RAI1: variants seen among roughly 807,000 people sequenced by gnomAD.
RAI1 encodes the protein retinoic acid induced 1.
Under a neutral mutation model 123.8 loss-of-function variants are expected in RAI1, and 9 were observed. That is an observed-to-expected ratio of 0.07 (90% CI 0.04 to 0.13). The LOEUF is 0.13. RAI1 is among the 10% of genes least tolerant of loss of function. RAI1 has a pLI of 1.00. For missense variants in RAI1, 2,256 were observed against 2,545.8 expected, an observed-to-expected ratio of 0.89 and a Z score of 2.45; for synonymous variants, 1,231 against 1,127.3, an observed-to-expected ratio of 1.09 and a Z score of -1.84.
At chr17:17,738,640 G>C (rs1024643962) in intron 2 of RAI1, among the ~76,000 whole-genome samples, 2 of 152,240 alleles carry the variant, frequency 1.3e-5, no homozygotes, top group African/African-American at 4.8e-5. Context: ...TGGCTCTGAG[G>C]TGCTGGGGTA....
chr17:17,794,398 G>A lies in RAI1; in HGVS notation c.1450G>A (p.Glu484Lys), dbSNP rs566757282. The A allele has an allele frequency of 2.3e-5, 37 of 1,613,148 alleles. No individual in the cohort carries two copies. The East Asian group carries it at 4.2e-4, about 18-fold the overall frequency. The change falls in exon 3 of 6, where the codon GAA becomes AAA. Residue 484 changes from glutamate to lysine, a missense_variant. Around this residue, in one of 7 missense-constraint regions of RAI1, gnomAD observed 357 missense variants for 480.2 expected, o/e 0.74. Transcript: ENST00000353383. ...EQHKSQHCSP[E>K]GSGYSAEPAG... ...GCATAAAAGCCAGCACTGCAGCCCC[G>A]AAGGGAGCGGCTACTCAGCCGAGCC...
In RAI1 at chr17:17,810,799, T is replaced by C. The variant is rs1337486327; in HGVS notation, c.*818T>C. 4.4e-6 allele frequency: 2 copies of C among 454,614 alleles called. No homozygotes were observed. The highest frequency in any genetic ancestry group is 8.9e-6 in the Non-Finnish European group (2 of 225,588). 28.2% of individuals were successfully genotyped at this position (454,614 alleles called of 1,614,324 possible). On this transcript the variant is annotated 3_prime_UTR_variant, in exon 6 of 6. Transcript: ENST00000353383. The surrounding 1 kb of genome is among the most constrained non-coding windows in gnomAD (Gnocchi z 4.6). Reference sequence around the variant, plus strand: ...ACCCAAGAAGCGGCCAGAACGCACCTCCGGCTCCGGCGGACGCGCGACCGT... The same window carrying C: ...ACCCAAGAAGCGGCCAGAACGCACCCCCGGCTCCGGCGGACGCGCGACCGT...
At chr17:17,740,625 G>A (rs1377849861) in intron 2 of RAI1, among the ~76,000 whole-genome samples, 2 of 152,226 alleles carry the variant, frequency 1.3e-5, no homozygotes, top group Non-Finnish European at 2.9e-5. Context: ...CAGGTGGCCT[G>A]GCTGGGGTTT....
chr17:17,752,593 T>C (rs1449295304), intron 2 of RAI1, among the ~76,000 whole-genome samples: 1 of 152,118 alleles, frequency 6.6e-6, no homozygotes, highest in African/African-American at 2.4e-5. Flanking sequence ...CCTTGGAGTC[T>C]GAGAGTGAGA....
intron 1 of RAI1, among the ~76,000 whole-genome samples, chr17:17,706,999 C>T (rs1245628446): frequency 6.6e-6 from 1 of 152,248 alleles, no homozygotes; most frequent in East Asian, 1.9e-4. Context: ...GAGCTCCTTC[C>T]TGTCTTAGTG....
At chr17:17,710,945 T>TG (rs1225938568) in intron 1 of RAI1, among the ~76,000 whole-genome samples, 3 of 152,192 alleles carry the variant, frequency 2.0e-5, no homozygotes, top group African/African-American at 7.2e-5. Context: ...GGGGTGTTGA[T>TG]GGGGGGCAGG....
Position 17,793,359 on chromosome 17 carries a change from G to A in RAI1, c.411G>A (p.Gly137=). 6.2e-7 allele frequency: 1 copy of A among 1,613,084 alleles called. No homozygotes were observed. The highest frequency in any genetic ancestry group is 8.5e-7 in the Non-Finnish European group (1 of 1,179,866). The change falls in exon 3 of 6, where the codon GGG becomes GGA. Residue 137 remains glycine (G), a synonymous_variant. Coordinates refer to ENST00000353383, the MANE Select transcript of RAI1 (RefSeq NM_030665.4). ...PPPQPQPLPA[G]VAKYDENLMK... ...CACAGCCGCAGCCACTACCTGCAGG[G>A]GTGGCCAAGTATGATGAGAACTTGA...
intron 1 of RAI1, among the ~76,000 whole-genome samples, chr17:17,706,133 T>C (rs894051041): frequency 1.3e-5 from 2 of 151,780 alleles, no homozygotes; most frequent in African/African-American, 2.4e-5. Context: ...TGGATCATTC[T>C]GCAGAGCCAC....
chr17:17,722,284 A>C lies in RAI1; in HGVS notation c.-148-1744A>C, dbSNP rs375250046. The stretch of plus-strand genomic sequence containing the variant: ...GGATGGATGGATGAATGAATGAATG[A>C]ATGCATGCGTGGGCGGTGAGCGGCC... On this transcript the variant is annotated intron_variant, in intron 1 of 5. Transcript: ENST00000353383. Among the ~76,000 whole-genome samples the C allele has an allele frequency of 1.2e-3, 185 of 152,272 alleles. 6 individuals are homozygous for C. In the South Asian group the frequency reaches 0.037, roughly 31 times the overall value.
intron 2 of RAI1, among the ~76,000 whole-genome samples, chr17:17,790,171 A>G (rs1356263397): frequency 6.6e-6 from 1 of 152,174 alleles, no homozygotes; most frequent in Non-Finnish European, 1.5e-5. Flanking sequence ...ATAATAATTA[A>G]TAACAACAGA....
intron 1 of RAI1, among the ~76,000 whole-genome samples, chr17:17,695,653 A>C (rs191182025): frequency 9.9e-4 from 151 of 152,064 alleles, no homozygotes; most frequent in African/African-American, 3.5e-3. Flanking sequence ...CAGCCTCCCG[A>C]GTAGCTGAGA....
rs767753316 is a variant in RAI1, at chr17:17,795,246, C to T, written c.2298C>T (p.Thr766=). 6.2e-7 allele frequency: 1 copy of T among 1,613,988 alleles called. No homozygotes were observed. The highest frequency in any genetic ancestry group is 1.1e-5 in the South Asian group (1 of 91,080). Residue 766 remains threonine (T), a synonymous_variant, in exon 3 of 6, where the codon ACC becomes ACT. Coordinates refer to ENST00000353383, the MANE Select transcript of RAI1 (RefSeq NM_030665.4). The surrounding 1 kb of genome is among the most constrained non-coding windows in gnomAD (Gnocchi z 5.9). ...GGGGATTGCACCCTGGCGAGCTTAC[C>T]AAGGGCCTGGAGCAGGGTGGGAAGG... The part of the protein sequence containing the change: ...PRWGLHPGEL[T]KGLEQGGKAS...
Position 17,811,098 on chromosome 17 carries a change from T to C in RAI1, c.*1117T>C, listed in dbSNP as rs2032764377. 1.0e-5 allele frequency: 3 copies of C among 291,430 alleles called. No homozygotes were observed. The allele number at this position is 291,430 out of a possible 1,614,324, so 18.1% of individuals were successfully genotyped here. A position where few individuals can be genotyped will look rare whatever the true frequency, so the allele number is the denominator to read the frequency against. ...CAGTCCCTGCCAGTCCGTCCGCCTG[T>C]CCGTCCGTGTCCTCAGCTCTGTCCA... On this transcript the variant is annotated 3_prime_UTR_variant, in exon 6 of 6. Coordinates refer to ENST00000353383, the MANE Select transcript of RAI1 (RefSeq NM_030665.4).
At chr17:17,745,696 C>T (rs915386957) in intron 2 of RAI1, among the ~76,000 whole-genome samples, 8 of 152,172 alleles carry the variant, frequency 5.3e-5, no homozygotes, top group African/African-American at 1.7e-4. Context: ...CACACCCAGC[C>T]CTGAAGGCTT....
chr17:17,808,208 T>A (rs957412671), intron 4 of RAI1, among the ~76,000 whole-genome samples: 3 of 152,008 alleles, frequency 2.0e-5, no homozygotes, highest in African/African-American at 7.2e-5. Context: ...TCTCCCTAGG[T>A]GGCAGTAGGC....
chr17:17,759,933 T>C (rs2030616966), intron 2 of RAI1, among the ~76,000 whole-genome samples: 1 of 152,206 alleles, frequency 6.6e-6, no homozygotes, highest in South Asian at 2.1e-4. Context: ...TATTAAGGGC[T>C]CTGGATGCTT....
In RAI1 at chr17:17,794,189, G is replaced by A. The variant is rs1252947504; in HGVS notation, c.1241G>A (p.Cys414Tyr). ...TCTGTGGACACCCAGGCTGGCAACT[G>A]CAAGCCCCTTCAGAAGGACAAGCTC... ...TSSVDTQAGN[C>Y]KPLQKDKLPE... Residue 414 changes from cysteine (C) to tyrosine (Y), a missense_variant, in exon 3 of 6, where the codon TGC becomes TAC. By Grantham distance (194) the Cys-to-Tyr change is radical. Coordinates refer to ENST00000353383, the MANE Select transcript of RAI1 (RefSeq NM_030665.4). 1.2e-6 allele frequency: 2 copies of A among 1,613,740 alleles called. No homozygotes were observed. Among genetic ancestry groups the A allele is most frequent in the Middle Eastern group, 1.6e-4 (1 of 6,062 alleles).
chr17:17,708,688 G>C (rs1915469086), intron 1 of RAI1, among the ~76,000 whole-genome samples: 1 of 152,120 alleles, frequency 6.6e-6, no homozygotes, highest in Admixed American at 6.5e-5. Flanking sequence ...TGTGACTCCT[G>C]GCAGCTCACT....
Position 17,798,273 on chromosome 17 carries a change from C to A in RAI1, c.5325C>A (p.Gly1775=). 1 of 1,600,428 alleles carries A rather than the reference C, an allele frequency of 6.2e-7. No individual in the cohort carries two copies. The highest frequency in any genetic ancestry group is 8.5e-7 in the Non-Finnish European group (1 of 1,173,094). Reference sequence around the variant, plus strand: ...GCCCACTGCGCACCAGTGCCCGGGGCCTGTCCCGGAGGCTGCAGAGCTGCT... The same window carrying A: ...GCCCACTGCGCACCAGTGCCCGGGGACTGTCCCGGAGGCTGCAGAGCTGCT... ...KQGPLRTSAR[G]LSRRLQSCYC... Residue 1775 remains glycine, a synonymous_variant, in exon 3 of 6, where the codon GGC becomes GGA. Transcript: ENST00000353383.
Sources: allele counts gnomAD v4.1 joint callset (sites outside exome capture counted in the v4.1 genomes callset), GRCh38; gene constraint gnomAD v4.1.1; regional missense constraint gnomAD v4.1.1; non-coding constraint Gnocchi (gnomAD v3.1); transcripts MANE v1.5; gene names NCBI Gene and HGNC (gene_info 2026-07-23, HGNC 2026-07-21).